The following INTS7 variants were observed in gnomAD, a reference collection of about 807,000 sequenced individuals.
INTS7 encodes the protein chromosome 1 open reading frame 73.
Under a neutral mutation model 109.2 loss-of-function variants are expected in INTS7, and 46 were observed. The observed-to-expected ratio is 0.42, with a 90% CI of 0.33 to 0.54. INTS7 has a LOEUF of 0.54. Ranked by LOEUF, INTS7 falls within the 20% of genes least tolerant of loss-of-function variation. The pLI, the probability that INTS7 is intolerant of heterozygous loss-of-function variation, is 0.07. For synonymous variants in INTS7, 412 were observed against 402.9 expected, an observed-to-expected ratio of 1.02 and a Z score of -0.27; for missense variants, 929 against 1,132.4, an observed-to-expected ratio of 0.82 and a Z score of 2.58.
intron 15 of INTS7, among the ~76,000 whole-genome samples, chr1:211,966,972 T>G (rs1211267060): frequency 1.3e-5 from 2 of 152,168 alleles, no homozygotes. Flanking sequence ...TACATGCACA[T>G]TTTGGGTGTC....
At chr1:211,962,640 T>A (rs146539803) in intron 16 of INTS7, among the ~76,000 whole-genome samples, 48 of 152,220 alleles carry the variant, frequency 3.2e-4, no homozygotes, top group African/African-American at 1.1e-3. Context: ...CACAAAACAA[T>A]CTTCAGCAAA....
intron 17 of INTS7, among the ~76,000 whole-genome samples, chr1:211,949,814 T>A (rs1037203363): frequency 2.0e-5 from 3 of 152,210 alleles, no homozygotes; most frequent in African/African-American, 7.2e-5. Flanking sequence ...CCTCTCTGAT[T>A]TCATCTCTCT....
chr1:212,001,791 T>C (rs1213049751), intron 7 of INTS7, among the ~76,000 whole-genome samples: 1 of 152,200 alleles, frequency 6.6e-6, no homozygotes, highest in African/African-American at 2.4e-5. Flanking sequence ...CTTCTCCCTA[T>C]AAAATACTAT....
chr1:212,004,010 C>T (rs1665793432), intron 7 of INTS7, among the ~76,000 whole-genome samples: 1 of 152,136 alleles, frequency 6.6e-6, no homozygotes, highest in Non-Finnish European at 1.5e-5. Flanking sequence ...GAATCAAATG[C>T]TCCATCTGAA....
intron 17 of INTS7, among the ~76,000 whole-genome samples, chr1:211,950,028 T>A (rs1663015213): frequency 6.6e-6 from 1 of 152,260 alleles, no homozygotes; most frequent in Non-Finnish European, 1.5e-5. Flanking sequence ...TGTGAACTAC[T>A]CTCTTTTTTG....
intron 4 of INTS7, among the ~76,000 whole-genome samples, chr1:212,014,923 C>T (rs1666341823): frequency 6.6e-6 from 1 of 152,224 alleles, no homozygotes; most frequent in Non-Finnish European, 1.5e-5. Context: ...CCTGCCTTGG[C>T]CTCCCAAAGT....
chr1:211,997,134 T>C (rs1665433968), intron 7 of INTS7, among the ~76,000 whole-genome samples: 1 of 151,620 alleles, frequency 6.6e-6, no homozygotes. Context: ...ATCTCACAAA[T>C]CACCACCAAA....
chr1:211,951,599 C>T (rs533761619), intron 17 of INTS7, among the ~76,000 whole-genome samples: 4 of 152,194 alleles, frequency 2.6e-5, no homozygotes, highest in Non-Finnish European at 4.4e-5. Context: ...AGCCACCGCA[C>T]CCGGCCAGGA....
chr1:211,970,698 C>T (rs964425373), intron 13 of INTS7, among the ~76,000 whole-genome samples: 3 of 152,076 alleles, frequency 2.0e-5, no homozygotes, highest in African/African-American at 7.2e-5. Context: ...ACATATGAAA[C>T]AAATGTCTAA....
chr1:211,972,314 T>G (rs1454617928), intron 13 of INTS7, among the ~76,000 whole-genome samples: 1 of 152,160 alleles, frequency 6.6e-6, no homozygotes, highest in East Asian at 1.9e-4. Context: ...TTCCTCTGAT[T>G]CAAGTTCCCT....
intron 2 of INTS7, 44 bp from the exon 3 acceptor site, chr1:212,020,312 T>C: frequency 8.2e-7 from 1 of 1,214,226 alleles, no homozygotes; most frequent in Non-Finnish European, 1.2e-6. Flanking sequence ...GAAAGTAATA[T>C]TTAATTAGGA....
intron 15 of INTS7, among the ~76,000 whole-genome samples, chr1:211,967,451 CAAAAAAAA>C (rs35896290): frequency 6.1e-5 from 5 of 82,436 alleles, no homozygotes; most frequent in African/African-American, 2.1e-4. Context: ...GACTCCATCT[CAAAAAAAA>C]AAAAAAAAAA....
intron 1 of INTS7, among the ~76,000 whole-genome samples, chr1:212,029,693 C>G (rs1472184541): frequency 6.6e-6 from 1 of 152,144 alleles, no homozygotes; most frequent in Non-Finnish European, 1.5e-5. Flanking sequence ...AAAGCATTAC[C>G]AAACAAACAC....
At chr1:212,035,215 G>A in intron 1 of INTS7, 129 bp downstream of exon 1, 2 of 686,148 alleles carry the variant, frequency 2.9e-6, no homozygotes, top group South Asian at 3.4e-5. Context: ...CCCAGCAAAA[G>A]CACAGGCGCT....
chr1:211,990,815 G>T (rs1160536256), intron 7 of INTS7, among the ~76,000 whole-genome samples: 1 of 152,112 alleles, frequency 6.6e-6, no homozygotes, highest in Non-Finnish European at 1.5e-5. Flanking sequence ...AGATGATATA[G>T]GGCCTTAAAA....
At chr1:212,033,149 G>A (rs1667246882) in intron 1 of INTS7, among the ~76,000 whole-genome samples, 1 of 152,172 alleles carries the variant, frequency 6.6e-6, no homozygotes, top group Non-Finnish European at 1.5e-5. Flanking sequence ...GTATGCTGAG[G>A]TGGGGGAGAT....
chr1:211,992,055 A>G (rs1665170258), intron 7 of INTS7, among the ~76,000 whole-genome samples: 1 of 152,220 alleles, frequency 6.6e-6, no homozygotes, highest in African/African-American at 2.4e-5. Context: ...GCATTTTAAA[A>G]AAGTGATTAT....
At chr1:212,024,910 A>T (rs1359654640) in intron 1 of INTS7, among the ~76,000 whole-genome samples, 1 of 152,230 alleles carries the variant, frequency 6.6e-6, no homozygotes, top group African/African-American at 2.4e-5. Context: ...AGAACATCTC[A>T]TAGAAAGGTA....
At chr1:212,033,064 G>C (rs1009016363) in intron 1 of INTS7, among the ~76,000 whole-genome samples, 2 of 152,094 alleles carry the variant, frequency 1.3e-5, no homozygotes, top group Non-Finnish European at 1.5e-5. Flanking sequence ...AGCTCTATAG[G>C]GGCAGGAGTT....
Sources: allele counts gnomAD v4.1 joint callset (sites outside exome capture counted in the v4.1 genomes callset), GRCh38; gene constraint gnomAD v4.1.1; transcripts MANE v1.5; gene names NCBI Gene and HGNC (gene_info 2026-07-23, HGNC 2026-07-21).